Variants in SOX5 observed in about 807,000 individuals in gnomAD.
SOX5 encodes the protein transcription factor SOX-5.
SOX5 carries 9 observed loss-of-function variants against 92.0 expected under a neutral mutation model. The ratio of observed to expected loss-of-function variants is 0.10; its 90% CI spans 0.06 to 0.17. The LOEUF (loss-of-function observed/expected upper bound fraction) is 0.17. Ranked by LOEUF, SOX5 falls within the 10% of genes least tolerant of loss-of-function variation. The pLI is 1.00. For synonymous variants in SOX5, 344 were observed against 336.3 expected (o/e 1.02, Z -0.25); for missense variants, 642 against 944.5 (o/e 0.68, Z 4.20).
intron 8 of SOX5, among the ~76,000 whole-genome samples, chr12:23,631,180 T>C (rs1182453055): frequency 6.6e-6 from 1 of 152,046 alleles, no homozygotes; most frequent in Non-Finnish European, 1.5e-5. Flanking sequence ...TTTGTTCCTC[T>C]TAAGATGCAT....
chr12:23,968,374 GT>G (rs1947830619), intron 4 of SOX5, among the ~76,000 whole-genome samples: 1 of 152,130 alleles, frequency 6.6e-6, no homozygotes, highest in Admixed American at 6.5e-5. Flanking sequence ...GTTTGAATAT[GT>G]CCCCCAAAGT....
intron 1 of SOX5, among the ~76,000 whole-genome samples, chr12:24,502,902 A>G (rs1338740392): frequency 6.6e-6 from 1 of 152,196 alleles, no homozygotes; most frequent in East Asian, 1.9e-4. Flanking sequence ...GGGAAATCAA[A>G]CCCAAACCCA....
At chr12:24,189,826 C>A (rs1956354171) in intron 4 of SOX5, among the ~76,000 whole-genome samples, 1 of 152,056 alleles carries the variant, frequency 6.6e-6, no homozygotes, top group Non-Finnish European at 1.5e-5. Context: ...ATCATGAAAT[C>A]AAGACATTGT....
At chr12:23,665,916 G>A (rs951484111) in intron 6 of SOX5, among the ~76,000 whole-genome samples, 1 of 152,000 alleles carries the variant, frequency 6.6e-6, no homozygotes, top group Non-Finnish European at 1.5e-5. Flanking sequence ...AACTGAAATC[G>A]CCCTCTGCAA....
At chr12:23,663,341 T>C (rs1360119780) in intron 7 of SOX5, among the ~76,000 whole-genome samples, 1 of 152,134 alleles carries the variant, frequency 6.6e-6, no homozygotes, top group African/African-American at 2.4e-5. Context: ...ATACTAACTA[T>C]TTTGGAAATG....
intron 2 of SOX5, among the ~76,000 whole-genome samples, chr12:24,358,287 G>A (rs74473776): frequency 6.6e-6 from 1 of 152,108 alleles, no homozygotes; most frequent in African/African-American, 2.4e-5. Context: ...AGGATCGAAT[G>A]ACTATTTTTA....
intron 1 of SOX5, among the ~76,000 whole-genome samples, chr12:24,439,558 C>T (rs1363689463): frequency 6.6e-6 from 1 of 152,148 alleles, no homozygotes; most frequent in Non-Finnish European, 1.5e-5. Context: ...AGGCCTAAAA[C>T]ATCTATGCTA....
intron 3 of SOX5, among the ~76,000 whole-genome samples, chr12:24,223,026 A>C (rs751606412): frequency 3.3e-5 from 5 of 152,216 alleles, no homozygotes; most frequent in Non-Finnish European, 5.9e-5. Flanking sequence ...TGGTCAATAC[A>C]TGTGACCTTT....
At chr12:23,606,222 G>C (rs989515685) in intron 8 of SOX5, among the ~76,000 whole-genome samples, 4 of 151,776 alleles carry the variant, frequency 2.6e-5, no homozygotes, top group African/African-American at 9.7e-5. Context: ...TCACTTTACA[G>C]ATTAAAACTC....
At chr12:23,950,861 A>G (rs149789122), upstream of SOX5, 2,804 of 1,535,110 alleles carry the variant, frequency 1.8e-3, 10 homozygotes, top group Non-Finnish European at 2.0e-3. Context: ...AGAGAGAGAG[A>G]CACTTACACA....
In SOX5 at chr12:24,009,323, G is replaced by A. The variant is rs190100532; in HGVS notation, c.-1-113299C>T. On this transcript the variant is annotated intron_variant, in intron 4 of 4. Coordinates refer to the SOX5 transcript ENST00000446891. ...TGTAGCTATAGATAAACAGAATTGGGTATTGTGTGGAAAGAATTCAGACTA... is the reference window on the plus strand; with the variant it reads ...TGTAGCTATAGATAAACAGAATTGGATATTGTGTGGAAAGAATTCAGACTA... Among the ~76,000 whole-genome samples the A allele has an allele frequency of 5.2e-3, 785 of 152,276 alleles. 6 individuals carry two copies. The highest frequency in any genetic ancestry group is 0.018 in the African/African-American group (759 of 41,558).
intron 6 of SOX5, among the ~76,000 whole-genome samples, chr12:23,667,973 C>A (rs2084100151): frequency 6.6e-6 from 1 of 152,058 alleles, no homozygotes; most frequent in Non-Finnish European, 1.5e-5. Flanking sequence ...TTACTCGTAC[C>A]CAATTTTAAT....
chr12:23,887,908 AGTGTGTATAT>A (rs2097087016), intron 2 of SOX5, among the ~76,000 whole-genome samples: 2 of 105,952 alleles, frequency 1.9e-5, no homozygotes, highest in African/African-American at 7.3e-5. Flanking sequence ...TAATTGGTCC[AGTGTGTATAT>A]GTGTGTGTGT....
chr12:24,393,138 GAA>G lies in SOX5; in HGVS notation c.-250-24501_-250-24500del, dbSNP rs201527066. Among the ~76,000 whole-genome samples, 457 of 150,092 alleles carry G rather than the reference GAA, an allele frequency of 3.0e-3. 2 individuals carry two copies. The highest frequency in any genetic ancestry group is 6.0e-3 in the Admixed American group (91 of 15,056). ...AATGAATAAAGTAGATTGAAGCTAA[GAA>G]AAAAAATACAGCAAAATTAGAAGCT... On this transcript the variant is annotated intron_variant, in intron 1 of 4. Transcript: ENST00000446891. The surrounding 1 kb of genome is among the most constrained non-coding windows in gnomAD (Gnocchi z 5.0).
chr12:23,891,345 C>A (rs968031079), intron 2 of SOX5, among the ~76,000 whole-genome samples: 1 of 152,190 alleles, frequency 6.6e-6, no homozygotes, highest in African/African-American at 2.4e-5. Flanking sequence ...CCGAACAAAG[C>A]ATCCTACTTC....
At position 24,508,977 on chromosome 12, in the gene SOX5, A is replaced by C. The variant is rs144234375; in HGVS notation, c.-251+53352T>G. On this transcript the variant is annotated intron_variant, in intron 1 of 4. Transcript: ENST00000446891. ...GGAATGAGGAAAAGAAAGTTCGGAAATTGCCCATTCATTGGCCAAAATTGA... is the reference window on the plus strand; with the variant it reads ...GGAATGAGGAAAAGAAAGTTCGGAACTTGCCCATTCATTGGCCAAAATTGA... Among the ~76,000 whole-genome samples, 53 of 152,302 alleles carry C rather than the reference A, an allele frequency of 3.5e-4. No homozygotes were observed. In the East Asian group the frequency reaches 8.7e-3, roughly 25 times the overall value.
chr12:24,387,321 C>T lies in SOX5; in HGVS notation c.-250-18682G>A, dbSNP rs542599667. ...GGACGGCTTTGAATGTGGCCCAATA[C>T]AAATTTGCAAACTTTCTTAAAACAT... On this transcript the variant is annotated intron_variant, in intron 1 of 4. Coordinates refer to the SOX5 transcript ENST00000446891. 5.9e-5 allele frequency among the ~76,000 whole-genome samples: 9 copies of T among 152,186 alleles called. No homozygotes were observed. In the South Asian group the frequency reaches 1.9e-3, roughly 31 times the overall value.
At chr12:24,347,669 T>C (rs1953479849) in intron 2 of SOX5, among the ~76,000 whole-genome samples, 1 of 152,200 alleles carries the variant, frequency 6.6e-6, no homozygotes, top group Admixed American at 6.5e-5. Flanking sequence ...AAAAACATAC[T>C]TAAGAAAATG....
intron 4 of SOX5, among the ~76,000 whole-genome samples, chr12:24,154,810 C>T (rs952079675): frequency 1.3e-5 from 2 of 151,932 alleles, no homozygotes; most frequent in Non-Finnish European, 2.9e-5. Context: ...TATAATAATA[C>T]AATTCATAAA....
Sources: allele counts gnomAD v4.1 joint callset (sites outside exome capture counted in the v4.1 genomes callset), GRCh38; gene constraint gnomAD v4.1.1; non-coding constraint Gnocchi (gnomAD v3.1); transcripts MANE v1.5; gene names NCBI Gene and HGNC (gene_info 2026-07-23, HGNC 2026-07-21).